The following OPRM1 variants were observed in gnomAD, a reference collection of about 807,000 sequenced individuals.
OPRM1 encodes mu-type opioid receptor.
Under a neutral mutation model 31.8 loss-of-function variants are expected in OPRM1, and 27 were observed. That is an observed-to-expected ratio of 0.85 (90% CI 0.63 to 1.17). The LOEUF is 1.17. OPRM1 is among the 50% of genes most tolerant of loss of function. OPRM1 has a pLI of 0.00. For synonymous variants in OPRM1, 196 were observed against 189.9 expected, an observed-to-expected ratio of 1.03 and a Z score of -0.26; for missense variants, 536 against 511.1, an observed-to-expected ratio of 1.05 and a Z score of -0.47.
chr6:154,223,046 C>A, intron 3 of OPRM1: 1 of 783,474 alleles, frequency 1.3e-6, no homozygotes, highest in Non-Finnish European at 2.2e-6. Flanking sequence ...ACCCATAATG[C>A]TTCAAATTCT....
At chr6:154,041,038 T>C (rs1779952758) in intron 1 of OPRM1, among the ~76,000 whole-genome samples, 1 of 152,184 alleles carries the variant, frequency 6.6e-6, no homozygotes, top group African/African-American at 2.4e-5. Context: ...TTACAATGTT[T>C]GTTTCACCTA....
chr6:154,089,127 G>A (rs978011819), intron 1 of OPRM1, among the ~76,000 whole-genome samples: 1 of 152,106 alleles, frequency 6.6e-6, no homozygotes, highest in East Asian at 1.9e-4. Context: ...CATACCTATA[G>A]ACACTTGCAC....
Position 154,176,123 on chromosome 6 carries a change from C to G in OPRM1, c.1165-70570C>G, listed in dbSNP as rs184901928. Among the ~76,000 whole-genome samples the G allele has an allele frequency of 8.5e-5, 13 of 152,266 alleles. No homozygotes were observed. In the East Asian group the frequency reaches 9.6e-4, roughly 11 times the overall value. On this transcript the variant is annotated intron_variant, in intron 3 of 3. Transcript: ENST00000337049. ...AAAGGCCTTCAACAAAAATCAACAG[C>G]CTTTCGTGCTAAAAACTCTCAATAA...
At chr6:154,063,133 TG>T (rs1302069516) in intron 1 of OPRM1, among the ~76,000 whole-genome samples, 2 of 152,062 alleles carry the variant, frequency 1.3e-5, no homozygotes, top group African/African-American at 2.4e-5. Flanking sequence ...GTATTTCAAA[TG>T]CACAATGCTA....
At chr6:154,110,054 G>A (rs908888157) in intron 3 of OPRM1, among the ~76,000 whole-genome samples, 2 of 151,948 alleles carry the variant, frequency 1.3e-5, no homozygotes, top group African/African-American at 4.8e-5. Context: ...ATAATTCTAG[G>A]CATTAATCAG....
At chr6:154,188,372 G>T (rs1801570027) in intron 3 of OPRM1, among the ~76,000 whole-genome samples, 1 of 152,146 alleles carries the variant, frequency 6.6e-6, no homozygotes, top group Non-Finnish European at 1.5e-5. Context: ...AATGGAGAGA[G>T]GTAAAGAGAC....
chr6:154,036,605 ACATTTAAG>A (rs1779312224), upstream of OPRM1, among the ~76,000 whole-genome samples: 1 of 152,010 alleles, frequency 6.6e-6, no homozygotes, highest in Non-Finnish European at 1.5e-5. Flanking sequence ...ATAAGTCTAT[ACATTTAAG>A]TCCTGGTTGG....
chr6:154,119,566 C>A lies in OPRM1; in HGVS notation c.*845C>A. The A allele has an allele frequency of 2.5e-6, 1 of 402,372 alleles. No homozygotes were observed. The highest frequency in any genetic ancestry group is 3.4e-6 in the Non-Finnish European group (1 of 297,026). 24.9% of individuals were successfully genotyped at this position (402,372 alleles called of 1,614,324 possible). ...GCAGGAAGTCAAGCATTAAAATGTA[C>A]TCTTTATTTCTCACTGGTTTCTCCA... On this transcript the variant is annotated 3_prime_UTR_variant, in exon 4 of 4. Transcript: ENST00000330432.
chr6:154,056,516 C>T (rs1159312321), intron 1 of OPRM1, among the ~76,000 whole-genome samples: 2 of 151,586 alleles, frequency 1.3e-5, no homozygotes, highest in African/African-American at 4.8e-5. Context: ...ACTTGCAATG[C>T]GATGTCTGTC....
chr6:154,035,796 G>A (rs1008280156), upstream of OPRM1, among the ~76,000 whole-genome samples: 1 of 152,208 alleles, frequency 6.6e-6, no homozygotes, highest in Non-Finnish European at 1.5e-5. Context: ...TGTGAAAAAT[G>A]TTGCATGATA....
At chr6:154,034,337 GATC>G (rs1779173090), upstream of OPRM1, among the ~76,000 whole-genome samples, 1 of 152,200 alleles carries the variant, frequency 6.6e-6, no homozygotes, top group Non-Finnish European at 1.5e-5. Context: ...GAGGTCAGGA[GATC>G]GAGACCATCC....
At chr6:154,093,016 C>T (rs1792635664) in intron 3 of OPRM1, among the ~76,000 whole-genome samples, 1 of 152,154 alleles carries the variant, frequency 6.6e-6, no homozygotes, top group African/African-American at 2.4e-5. Flanking sequence ...AAAGTAATTG[C>T]AAAAACAGCG....
rs972792465 is a variant in OPRM1, at chr6:154,122,411, A to T, written c.*3690A>T. 1.3e-5 allele frequency among the ~76,000 whole-genome samples: 2 copies of T among 152,152 alleles called. No individual in the cohort carries two copies. The highest frequency in any genetic ancestry group is 4.8e-5 in the African/African-American group (2 of 41,436). On this transcript the variant is annotated 3_prime_UTR_variant, in exon 4 of 4. Coordinates refer to ENST00000330432, the MANE Select transcript of OPRM1 (RefSeq NM_000914.5). ...TAAATGCCTGGGCCACTGCAACTCTAACCACTGTGTTTCCCCCAGTTTGAT... is the reference window on the plus strand; with the variant it reads ...TAAATGCCTGGGCCACTGCAACTCTTACCACTGTGTTTCCCCCAGTTTGAT...
chr6:154,180,406 A>ATT (rs1280413309), intron 3 of OPRM1, among the ~76,000 whole-genome samples: 69 of 39,362 alleles, frequency 1.8e-3, no homozygotes, highest in Non-Finnish European at 1.2e-3. Context: ...ATATATATAT[A>ATT]TATATATATT....
At chr6:154,158,193 C>T (rs1210433819) in intron 3 of OPRM1, 2 of 152,154 alleles carry the variant, frequency 1.3e-5, no homozygotes, top group African/African-American at 4.8e-5. Context: ...CAGGTGGTTC[C>T]TTCCATTTGA....
At chr6:154,010,687 C>T in exon 1 of OPRM1, 1 of 1,448,728 alleles carries the variant, frequency 6.9e-7, no homozygotes, top group South Asian at 1.4e-5. Flanking sequence ...GAAAAAGCAG[C>T]CGGGTCAGAC....
At chr6:154,201,919 T>C (rs1347765812) in intron 3 of OPRM1, among the ~76,000 whole-genome samples, 1 of 151,654 alleles carries the variant, frequency 6.6e-6, no homozygotes, top group Non-Finnish European at 1.5e-5. Context: ...ACAAAAAAAC[T>C]CCAAGGAAGT....
chr6:154,159,741 T>G, intron 3 of OPRM1: 2 of 1,054,530 alleles, frequency 1.9e-6, no homozygotes, highest in Non-Finnish European at 2.8e-6. Context: ...GGTTTCAGTT[T>G]TCCTTTTAAG....
In OPRM1 at chr6:154,119,398, A is replaced by T; in HGVS notation, c.*677A>T. 1 of 985,422 alleles carries T rather than the reference A, an allele frequency of 1.0e-6. No homozygotes were observed. The highest frequency in any genetic ancestry group is 1.2e-6 in the Non-Finnish European group (1 of 829,914). 61.0% of individuals were successfully genotyped at this position (985,422 alleles called of 1,614,324 possible). On this transcript the variant is annotated 3_prime_UTR_variant, in exon 4 of 4. Transcript: ENST00000330432. The stretch of plus-strand genomic sequence containing the variant: ...GAAAGGTTGATTCTCATGCACTGCA[A>T]ATACTTCCAAAGAGTCATCATGGGG...
Sources: allele counts gnomAD v4.1 joint callset (sites outside exome capture counted in the v4.1 genomes callset), GRCh38; gene constraint gnomAD v4.1.1; transcripts MANE v1.5; gene names NCBI Gene and HGNC (gene_info 2026-07-23, HGNC 2026-07-21).